Variants in PPARGC1B observed in about 807,000 individuals in gnomAD.
PPARGC1B encodes peroxisome proliferator-activated receptor gamma coactivator 1-beta.
PPARGC1B carries 34 observed loss-of-function variants against 101.6 expected under a neutral mutation model. That is an observed-to-expected ratio of 0.33 (90% CI 0.25 to 0.45). The LOEUF (loss-of-function observed/expected upper bound fraction) is 0.45, where lower values mean the gene tolerates loss of function less well. Ranked by LOEUF, PPARGC1B falls within the 20% of genes least tolerant of loss-of-function variation. The pLI is 1.00. For missense variants in PPARGC1B, 1,234 were observed against 1,317.6 expected, an observed-to-expected ratio of 0.94 and a Z score of 0.98; for synonymous variants, 548 against 539.3, an observed-to-expected ratio of 1.02 and a Z score of -0.22.
chr5:149,840,227 C>A, intron 9 of PPARGC1B, 111 bp downstream of exon 9: 1 of 946,280 alleles, frequency 1.1e-6, no homozygotes, highest in Non-Finnish European at 1.6e-6. Flanking sequence ...CCTCAGTCTT[C>A]GGCCTCTGCC....
At chr5:149,738,891 A>G (rs1171767471) in intron 1 of PPARGC1B, among the ~76,000 whole-genome samples, 1 of 152,230 alleles carries the variant, frequency 6.6e-6, no homozygotes, top group African/African-American at 2.4e-5. Context: ...CACCGCGTCC[A>G]GCCTCTAGAA....
chr5:149,834,375 ACAG>A (rs1426970275), intron 5 of PPARGC1B, among the ~76,000 whole-genome samples: 1 of 152,244 alleles, frequency 6.6e-6, no homozygotes, highest in East Asian at 1.9e-4. Context: ...TCCAGAGCTC[ACAG>A]CAGTGGGACT....
Position 149,832,521 on chromosome 5 carries a change from G to A in PPARGC1B, c.583-135G>A. 1 of 717,782 alleles carries A rather than the reference G, an allele frequency of 1.4e-6. No individual in the cohort carries two copies. Among genetic ancestry groups the A allele is most frequent in the East Asian group, 2.7e-5 (1 of 36,932 alleles). The allele number at this position is 717,782 out of a possible 1,614,324, so 44.5% of individuals were successfully genotyped here. A position where few individuals can be genotyped will look rare whatever the true frequency, so the allele number is the denominator to read the frequency against. On this transcript the variant is annotated intron_variant, in intron 4 of 11. Transcript: ENST00000309241. The surrounding 1 kb of genome is among the most constrained non-coding windows in gnomAD (Gnocchi z 4.9). ...TGCCCGGCTCTGTGTGGGAAGCTGG[G>A]GACGGAATGAAGGAAACCTGGCTGT...
At chr5:149,793,399 G>T (rs1757094620) in intron 1 of PPARGC1B, among the ~76,000 whole-genome samples, 1 of 152,126 alleles carries the variant, frequency 6.6e-6, no homozygotes, top group African/African-American at 2.4e-5. Flanking sequence ...TCTGTCTTCT[G>T]GAAAATCCCA....
intron 1 of PPARGC1B, among the ~76,000 whole-genome samples, chr5:149,735,541 A>C (rs749332088): frequency 6.6e-6 from 1 of 152,162 alleles, no homozygotes; most frequent in Non-Finnish European, 1.5e-5. Context: ...AGTATCCCCT[A>C]TACCCCATGC....
At chr5:149,816,972 C>T (rs1321706126) in intron 1 of PPARGC1B, among the ~76,000 whole-genome samples, 1 of 152,198 alleles carries the variant, frequency 6.6e-6, no homozygotes, top group African/African-American at 2.4e-5. Flanking sequence ...CTTTCCAATC[C>T]CTTCCTGATC....
intron 1 of PPARGC1B, chr5:149,732,818 G>A (rs1250952136): frequency 2.1e-6 from 1 of 478,378 alleles, no homozygotes. Context: ...GGGTGACAGA[G>A]CCACCCAGGG....
intron 1 of PPARGC1B, among the ~76,000 whole-genome samples, chr5:149,817,399 G>C (rs1457399138): frequency 6.6e-6 from 1 of 152,204 alleles, no homozygotes; most frequent in African/African-American, 2.4e-5. Flanking sequence ...AGGATTGCTT[G>C]AACTTAAGGG....
chr5:149,829,960 G>C lies in PPARGC1B; in HGVS notation c.466-807G>C, dbSNP rs189328060. Among the ~76,000 whole-genome samples, 6 of 144,304 alleles carry C rather than the reference G, an allele frequency of 4.2e-5. No individual in the cohort carries two copies. The South Asian group carries it at 6.7e-4, about 16-fold the overall frequency. The allele number at this position is 144,304 out of a possible 152,430, so 94.7% of individuals were successfully genotyped here. A position where few individuals can be genotyped will look rare whatever the true frequency, so the allele number is the denominator to read the frequency against. On this transcript the variant is annotated intron_variant, in intron 3 of 11. Transcript: ENST00000309241. ...TGAGGCAGGAGAATCGCTTGAACCC[G>C]TGAGGTGGAGGTTGCAGTGAGCCGA... is the stretch of plus-strand genomic sequence containing the variant.
chr5:149,765,306 G>C (rs4705090), intron 1 of PPARGC1B, among the ~76,000 whole-genome samples: 123,252 of 152,174 alleles, frequency 0.81, 50,077 homozygotes, highest in South Asian at 0.89. Flanking sequence ...ACTGCCCCAC[G>C]AGGGGACTGA....
In PPARGC1B at chr5:149,850,951, GC is replaced by G. The variant is rs1431543279; in HGVS notation, c.*3394del. ...GTTAAAGAATATGAGTGGATGGAGT[GC>G]AGCTAAGGCCCCCACCCCCTGCTCC... On this transcript the variant is annotated 3_prime_UTR_variant, in exon 12 of 12. Transcript: ENST00000309241. The G allele has an allele frequency of 6.6e-6, 1 of 152,124 alleles. No homozygotes were observed. Among genetic ancestry groups the G allele is most frequent in the Non-Finnish European group, 1.5e-5 (1 of 68,032 alleles). 9.4% of individuals were successfully genotyped at this position (152,124 alleles called of 1,614,324 possible). A position where few individuals can be genotyped will look rare whatever the true frequency, so the allele number is the denominator to read the frequency against.
intron 1 of PPARGC1B, among the ~76,000 whole-genome samples, chr5:149,755,700 A>G (rs1242685249): frequency 7.3e-5 from 11 of 150,580 alleles, no homozygotes; most frequent in Non-Finnish European, 3.0e-5. Flanking sequence ...CTGGAGTACA[A>G]TGGCGCGATC....
At chr5:149,810,104 C>T (rs1281704687) in intron 1 of PPARGC1B, among the ~76,000 whole-genome samples, 3 of 152,142 alleles carry the variant, frequency 2.0e-5, no homozygotes, top group Non-Finnish European at 4.4e-5. Context: ...CAGGGCCAGC[C>T]CTGCCTCAAC....
At chr5:149,817,894 A>G (rs1758120407) in intron 1 of PPARGC1B, 5 of 447,822 alleles carry the variant, frequency 1.1e-5, no homozygotes, top group South Asian at 6.3e-5. Context: ...GTAAAGACAT[A>G]TGTCCAAACA....
chr5:149,760,154 ATGGACACGAATG>A (rs1755668613), intron 1 of PPARGC1B, among the ~76,000 whole-genome samples: 1 of 152,188 alleles, frequency 6.6e-6, no homozygotes, highest in African/African-American at 2.4e-5. Context: ...ACTCAGCACC[ATGGACACGAATG>A]TGAACAAGCA....
intron 1 of PPARGC1B, among the ~76,000 whole-genome samples, chr5:149,736,231 C>G (rs1754705548): frequency 6.6e-6 from 1 of 152,130 alleles, no homozygotes. Flanking sequence ...AATAGGCCCT[C>G]TCGATTGGGA....
intron 1 of PPARGC1B, among the ~76,000 whole-genome samples, chr5:149,778,016 G>C (rs1239513947): frequency 9.7e-5 from 5 of 51,396 alleles, no homozygotes; most frequent in African/African-American, 3.2e-4. Flanking sequence ...CCCCCCCACA[G>C]ACACACACAC....
At chr5:149,744,935 G>A (rs1755034402) in intron 1 of PPARGC1B, among the ~76,000 whole-genome samples, 1 of 150,160 alleles carries the variant, frequency 6.7e-6, no homozygotes, top group African/African-American at 2.5e-5. Flanking sequence ...TTGAGACAGG[G>A]TCTTGCTCTG....
chr5:149,761,599 A>G (rs1316631560), intron 1 of PPARGC1B: 1 of 152,234 alleles, frequency 6.6e-6, no homozygotes, highest in Non-Finnish European at 1.5e-5. Flanking sequence ...AGATGAATGG[A>G]TAAAGAAAAT....
Sources: allele counts gnomAD v4.1 joint callset (sites outside exome capture counted in the v4.1 genomes callset), GRCh38; gene constraint gnomAD v4.1.1; non-coding constraint Gnocchi (gnomAD v3.1); transcripts MANE v1.5; gene names NCBI Gene and HGNC (gene_info 2026-07-23, HGNC 2026-07-21).